The following NXNL2 variants were observed in gnomAD, a reference collection of about 807,000 sequenced individuals.
NXNL2 encodes the protein nucleoredoxin-like protein 2.
A neutral mutation model predicts 11.1 loss-of-function variants in NXNL2; 7 were observed. That is an observed-to-expected ratio of 0.63 (90% confidence interval 0.36 to 1.18). The LOEUF (loss-of-function observed/expected upper bound fraction) is 1.18. NXNL2 is among the 50% of genes most tolerant of loss of function. The probability of loss-of-function intolerance (pLI) is 0.02; values close to 1 mark genes in which losing one functional copy is unlikely to be tolerated. For missense variants in NXNL2, 233 were observed against 217.7 expected (o/e 1.07, Z -0.44); for synonymous variants, 109 against 101.8 (o/e 1.07, Z -0.42).
chr9:88,549,911 G>A (rs911899167), downstream of NXNL2, among the ~76,000 whole-genome samples: 38 of 152,032 alleles, frequency 2.5e-4, no homozygotes, highest in African/African-American at 7.2e-4. Context: ...TGCAACCTCC[G>A]CCTCCCAGGT....
chr9:88,546,633 T>C (rs539817419), downstream of NXNL2, among the ~76,000 whole-genome samples: 13 of 152,154 alleles, frequency 8.5e-5, no homozygotes, highest in South Asian at 2.7e-3. Context: ...CAGGCTGGTC[T>C]CGAACTCCTG....
downstream of NXNL2, among the ~76,000 whole-genome samples, chr9:88,580,637 C>G (rs997263635): frequency 1.3e-5 from 2 of 152,120 alleles, no homozygotes. Context: ...ATGCCTTACC[C>G]CAGTTTCCCC....
At chr9:88,584,495 T>C (rs1319774246), downstream of NXNL2, among the ~76,000 whole-genome samples, 1 of 152,180 alleles carries the variant, frequency 6.6e-6, no homozygotes, top group African/African-American at 2.4e-5. Context: ...GAAATAAATG[T>C]CTGTTGTTTA....
intron 1 of NXNL2, among the ~76,000 whole-genome samples, chr9:88,552,595 C>G (rs186417468): frequency 1.6e-4 from 24 of 151,810 alleles, no homozygotes; most frequent in African/African-American, 5.3e-4. Flanking sequence ...CTCAGCCTCC[C>G]GAGTAGCTGG....
At chr9:88,546,169 G>GTGTGTGTT (rs1829843137), downstream of NXNL2, among the ~76,000 whole-genome samples, 1 of 152,024 alleles carries the variant, frequency 6.6e-6, no homozygotes, top group Non-Finnish European at 1.5e-5. Context: ...GTGTGTGTGT[G>GTGTGTGTT]TGTGTGTGAG....
At chr9:88,579,698 G>T (rs1830388096), downstream of NXNL2, among the ~76,000 whole-genome samples, 1 of 152,162 alleles carries the variant, frequency 6.6e-6, no homozygotes, top group Admixed American at 6.5e-5. Context: ...TCTTATGACT[G>T]CGAGTCAAGG....
chr9:88,564,668 G>A (rs1188978446), intron 1 of NXNL2, among the ~76,000 whole-genome samples: 10 of 152,078 alleles, frequency 6.6e-5, no homozygotes, highest in African/African-American at 2.4e-4. Flanking sequence ...CACTCGCCTC[G>A]GCCTCCCAAA....
At chr9:88,540,942 T>G (rs1433770041) in intron 1 of NXNL2, among the ~76,000 whole-genome samples, 4 of 98,618 alleles carry the variant, frequency 4.1e-5, no homozygotes, top group Non-Finnish European at 7.5e-5. Flanking sequence ...TAGATTTTTT[T>G]TTTTTTTTTT....
chr9:88,566,991 T>TCTATCTATCTATCTATCTATCTAC (rs1554706799), intron 1 of NXNL2, among the ~76,000 whole-genome samples: 112 of 150,564 alleles, frequency 7.4e-4, no homozygotes, highest in African/African-American at 1.6e-3. Context: ...TATCTATCTA[T>TCTATCTATCTATCTATCTATCTAC]CTATCTATCT....
At chr9:88,559,690 C>T (rs1830062914) in intron 1 of NXNL2, among the ~76,000 whole-genome samples, 1 of 152,182 alleles carries the variant, frequency 6.6e-6, no homozygotes, top group Non-Finnish European at 1.5e-5. Context: ...TCTACTCGCC[C>T]AGTTTGTTTA....
intron 1 of NXNL2, among the ~76,000 whole-genome samples, chr9:88,566,326 G>C (rs1830170026): frequency 6.6e-6 from 1 of 150,386 alleles, no homozygotes; most frequent in Admixed American, 6.6e-5. Flanking sequence ...ATGGAGTCTT[G>C]GTCTGTTACT....
chr9:88,560,722 A>C (rs1830075341), intron 1 of NXNL2, among the ~76,000 whole-genome samples: 1 of 152,078 alleles, frequency 6.6e-6, no homozygotes, highest in East Asian at 1.9e-4. Context: ...TAGCCTGGGC[A>C]ACATAGTAAG....
At position 88,581,504 on chromosome 9, in the gene NXNL2, C is replaced by G. The variant is rs547372579; in HGVS notation, n.552-2495C>G. On this transcript the variant is annotated intron_variant and non_coding_transcript_variant, in intron 1 of 1. Transcript: ENST00000478686. ...GGCTGCAGGAGTGCAATGGCGTGAT[C>G]TCAGCTCACCACAACCTCTGCCTCG... is the stretch of plus-strand genomic sequence containing the variant. Among the ~76,000 whole-genome samples, 4 of 151,736 alleles carry G rather than the reference C, an allele frequency of 2.6e-5. No individual in the cohort carries two copies. The South Asian group carries it at 8.3e-4, about 31-fold the overall frequency.
chr9:88,575,040 A>G (rs1830328969), intron 2 of NXNL2: 1 of 606,056 alleles, frequency 1.7e-6, no homozygotes, highest in Non-Finnish European at 2.1e-6. Context: ...GGAGGTCATT[A>G]AAAGATCTGG....
chr9:88,548,875 A>G (rs80048551), downstream of NXNL2, among the ~76,000 whole-genome samples: 2,200 of 152,070 alleles, frequency 0.014, 61 homozygotes, highest in African/African-American at 0.05. Flanking sequence ...GGTGGGGTGG[A>G]GCCCTCATAA....
chr9:88,543,008 G>A (rs1829791056), intron 1 of NXNL2, among the ~76,000 whole-genome samples: 2 of 152,280 alleles, frequency 1.3e-5, no homozygotes, highest in African/African-American at 2.4e-5. Context: ...GATTTCACCC[G>A]GCTGCCCTGT....
downstream of NXNL2, among the ~76,000 whole-genome samples, chr9:88,576,173 C>A (rs190426846): frequency 6.6e-6 from 1 of 152,160 alleles, no homozygotes; most frequent in Non-Finnish European, 1.5e-5. Context: ...CCAGCCTGGG[C>A]GATGGAGCGA....
intron 1 of NXNL2, among the ~76,000 whole-genome samples, chr9:88,560,442 G>A (rs1830072281): frequency 6.6e-6 from 1 of 152,014 alleles, no homozygotes; most frequent in African/African-American, 2.4e-5. Flanking sequence ...GAGGGGCCTG[G>A]GTGTCCACCA....
chr9:88,578,377 T>C (rs1253093434), downstream of NXNL2, among the ~76,000 whole-genome samples: 2 of 152,234 alleles, frequency 1.3e-5, no homozygotes, highest in Non-Finnish European at 2.9e-5. Context: ...ATCTTTGCAG[T>C]TGGACAAATG....
Sources: allele counts gnomAD v4.1 joint callset (sites outside exome capture counted in the v4.1 genomes callset), GRCh38; gene constraint gnomAD v4.1.1; transcripts MANE v1.5; gene names NCBI Gene and HGNC (gene_info 2026-07-23, HGNC 2026-07-21).